Variants in SNX31 observed in about 807,000 individuals in gnomAD.
The protein encoded by SNX31 is sorting nexin-31.
Under a neutral mutation model 65.4 loss-of-function variants are expected in SNX31, and 58 were observed. The ratio of observed to expected loss-of-function variants is 0.89; its 90% confidence interval spans 0.72 to 1.10. The LOEUF (loss-of-function observed/expected upper bound fraction) is 1.10, where lower values mean the gene tolerates loss of function less well. Among genes scored for constraint, SNX31 ranks in the 50% least tolerant of loss-of-function variants. SNX31 has a pLI of 0.00. For missense variants in SNX31, 523 were observed against 529.7 expected (o/e 0.99, Z 0.12); for synonymous variants, 181 against 190.1 (o/e 0.95, Z 0.39).
intron 3 of SNX31, among the ~76,000 whole-genome samples, chr8:100,633,102 AT>A (rs1457253924): frequency 6.7e-6 from 1 of 150,066 alleles, no homozygotes. Context: ...TTTATTTTTT[AT>A]TTTTGGGTAC....
chr8:100,622,227 G>C lies in SNX31; in HGVS notation c.322-4497C>G, dbSNP rs7815439. ...GCTGCCTAGAAGATAAGCTCCTACAGAGCAGGATTATGTGGTGAGTTTATC... is the reference window on the plus strand; with the variant it reads ...GCTGCCTAGAAGATAAGCTCCTACACAGCAGGATTATGTGGTGAGTTTATC... On this transcript the variant is annotated intron_variant, in intron 4 of 13. Transcript: ENST00000311812. This position sits in a 1 kb window ranked among gnomAD's most constrained non-coding sequence, Gnocchi z 5.0. 0.025 allele frequency among the ~76,000 whole-genome samples: 3,758 copies of C among 152,172 alleles called. 155 individuals are homozygous for C. Among genetic ancestry groups the C allele is most frequent in the African/African-American group, 0.086 (3,551 of 41,498 alleles).
chr8:100,648,338 T>TA lies in SNX31; in HGVS notation c.141+935_141+936insT, dbSNP rs1587099308. On this transcript the variant is annotated intron_variant, in intron 2 of 13. Coordinates refer to ENST00000311812, the MANE Select transcript of SNX31 (RefSeq NM_152628.4). This position sits in a 1 kb window ranked among gnomAD's most constrained non-coding sequence, Gnocchi z 4.3. ...TTCTCTACACTTTTTTTTTTTTTTTTTTTAATAGAGACAAGGTCTCGGCTA... is the reference window on the plus strand; with the variant it reads ...TTCTCTACACTTTTTTTTTTTTTTTTATTTAATAGAGACAAGGTCTCGGCTA... Among the ~76,000 whole-genome samples, 2 of 151,374 alleles carry TA rather than the reference T, an allele frequency of 1.3e-5. No individual in the cohort carries two copies.
chr8:100,656,118 A>C (rs1406447050), intron 1 of SNX31, among the ~76,000 whole-genome samples: 3 of 152,148 alleles, frequency 2.0e-5, no homozygotes, highest in Non-Finnish European at 4.4e-5. Context: ...TTTACATTGT[A>C]CCTGTTCACA....
At chr8:100,618,029 G>A (rs1046336065) in intron 4 of SNX31, 2 of 959,864 alleles carry the variant, frequency 2.1e-6, no homozygotes, top group African/African-American at 1.8e-5. Flanking sequence ...GCCTCCCAAA[G>A]TGTTGGGATT....
In SNX31 at chr8:100,649,283, C is replaced by A; in HGVS notation, c.132G>T (p.Trp44Cys). The A allele has an allele frequency of 6.2e-7, 1 of 1,614,052 alleles. No homozygotes were observed. Among genetic ancestry groups the A allele is most frequent in the South Asian group, 1.1e-5 (1 of 91,064 alleles). Residue 44 changes from tryptophan to cysteine, a missense_variant, in exon 2 of 14, where the codon TGG becomes TGT. By Grantham distance (215) the Trp-to-Cys change is radical. Coordinates refer to ENST00000311812, the MANE Select transcript of SNX31 (RefSeq NM_152628.4). ...CRVRYSQLHG[W>C]NEQLRRVFGN... ...CCTCCAATCTGCTCACCTGTTCGTT[C>A]CAACCGTGCAGCTGGCTGTAGCGCA... is the stretch of plus-strand genomic sequence containing the variant.
chr8:100,593,772 TC>T (rs1184098079), intron 10 of SNX31, among the ~76,000 whole-genome samples: 4 of 151,872 alleles, frequency 2.6e-5, no homozygotes, highest in Non-Finnish European at 5.9e-5. Flanking sequence ...TTATCCTAAG[TC>T]TCATGCTCCA....
chr8:100,629,096 A>G lies in SNX31; in HGVS notation c.321+1231T>C, dbSNP rs1050308874. Among the ~76,000 whole-genome samples the G allele has an allele frequency of 1.3e-5, 2 of 152,116 alleles. No individual in the cohort carries two copies. Among genetic ancestry groups the G allele is most frequent in the Non-Finnish European group, 2.9e-5 (2 of 68,022 alleles). On this transcript the variant is annotated intron_variant, in intron 4 of 13. Coordinates refer to ENST00000311812, the MANE Select transcript of SNX31 (RefSeq NM_152628.4). This position sits in a 1 kb window ranked among gnomAD's most constrained non-coding sequence, Gnocchi z 5.1. ...CAATGACAAAATCGCCTAATGATGC[A>G]TTTATCAGAACGAATCCACATTTTT... is the stretch of plus-strand genomic sequence containing the variant.
At position 100,583,688 on chromosome 8, in the gene SNX31, G is replaced by C. The variant is rs548498445; in HGVS notation, c.1170+423C>G. On this transcript the variant is annotated intron_variant, in intron 12 of 13. Coordinates refer to ENST00000311812, the MANE Select transcript of SNX31 (RefSeq NM_152628.4). Reference sequence around the variant, plus strand: ...TAAAGGCATTTTCATTTGGCACAATGGAAGTATCAAGAAGCTATGGATTCT... The same window carrying C: ...TAAAGGCATTTTCATTTGGCACAATCGAAGTATCAAGAAGCTATGGATTCT... Among the ~76,000 whole-genome samples, 5 of 152,198 alleles carry C rather than the reference G, an allele frequency of 3.3e-5. No individual in the cohort carries two copies. In the South Asian group the frequency reaches 1.0e-3, roughly 32 times the overall value.
intron 7 of SNX31, among the ~76,000 whole-genome samples, chr8:100,611,438 T>C (rs1480867125): frequency 6.6e-6 from 1 of 152,064 alleles, no homozygotes; most frequent in Non-Finnish European, 1.5e-5. Flanking sequence ...CCCTCCTCAT[T>C]TTCATACCCC....
chr8:100,595,131 A>G (rs1259589701), intron 10 of SNX31, among the ~76,000 whole-genome samples: 1 of 152,172 alleles, frequency 6.6e-6, no homozygotes, highest in Non-Finnish European at 1.5e-5. Flanking sequence ...ACCAAGATAG[A>G]TCAAATTTGG....
chr8:100,583,431 A>T (rs933684189), intron 12 of SNX31, among the ~76,000 whole-genome samples: 4 of 135,840 alleles, frequency 2.9e-5, no homozygotes, highest in East Asian at 2.7e-4. Context: ...CTAATCATTT[A>T]AAAAAAAAAT....
chr8:100,609,563 G>A lies in SNX31; in HGVS notation c.612-1000C>T, dbSNP rs758570684. Among the ~76,000 whole-genome samples the A allele has an allele frequency of 6.6e-6, 1 of 152,160 alleles. No homozygotes were observed. Among genetic ancestry groups the A allele is most frequent in the Non-Finnish European group, 1.5e-5 (1 of 68,030 alleles). ...CTGTAGAAGCACAGTAGCATGTTAA[G>A]AAGGGACTGAAACTGTCAGGAAAGG... On this transcript the variant is annotated intron_variant, in intron 7 of 13. Coordinates refer to ENST00000311812, the MANE Select transcript of SNX31 (RefSeq NM_152628.4). The surrounding 1 kb of genome is among the most constrained non-coding windows in gnomAD (Gnocchi z 4.9).
intron 2 of SNX31, among the ~76,000 whole-genome samples, chr8:100,638,088 T>C (rs936337673): frequency 1.3e-5 from 2 of 152,164 alleles, no homozygotes; most frequent in African/African-American, 4.8e-5. Context: ...GAGGGTTGCT[T>C]GAGCCCAGGA....
intron 3 of SNX31, among the ~76,000 whole-genome samples, chr8:100,631,996 G>A (rs1818447763): frequency 6.6e-6 from 1 of 152,148 alleles, no homozygotes; most frequent in African/African-American, 2.4e-5. Context: ...TGACAAACTC[G>A]GAGGTAAATA....
intron 12 of SNX31, among the ~76,000 whole-genome samples, chr8:100,581,278 G>A (rs1488751913): frequency 7.6e-5 from 11 of 145,146 alleles, no homozygotes; most frequent in Non-Finnish European, 1.5e-5. Flanking sequence ...CAGCCTGGGT[G>A]ACAGAGCGTG....
At chr8:100,620,837 T>A (rs140251090) in intron 4 of SNX31, among the ~76,000 whole-genome samples, 1 of 152,160 alleles carries the variant, frequency 6.6e-6, no homozygotes, top group Non-Finnish European at 1.5e-5. Context: ...TGGTGGCTCA[T>A]GCCTGTAATC....
intron 2 of SNX31, among the ~76,000 whole-genome samples, chr8:100,640,150 A>G (rs1819061747): frequency 1.4e-5 from 2 of 147,006 alleles, no homozygotes; most frequent in African/African-American, 5.2e-5. Flanking sequence ...TTTTGGAGAC[A>G]GAGTCTTGCT....
At chr8:100,599,798 C>T (rs1815448250) in intron 9 of SNX31, among the ~76,000 whole-genome samples, 2 of 152,156 alleles carry the variant, frequency 1.3e-5, no homozygotes, top group Non-Finnish European at 2.9e-5. Flanking sequence ...GATTTGGTAA[C>T]ACCTTTACGG....
chr8:100,633,331 T>G (rs1438626382), intron 3 of SNX31, among the ~76,000 whole-genome samples: 3 of 152,238 alleles, frequency 2.0e-5, no homozygotes, highest in Non-Finnish European at 4.4e-5. Context: ...TGTTGTTTCC[T>G]GATTTTGCTA....
Sources: allele counts gnomAD v4.1 joint callset (sites outside exome capture counted in the v4.1 genomes callset), GRCh38; gene constraint gnomAD v4.1.1; non-coding constraint Gnocchi (gnomAD v3.1); transcripts MANE v1.5; gene names NCBI Gene and HGNC (gene_info 2026-07-23, HGNC 2026-07-21).